Variants in TFDP2 observed in about 807,000 individuals in gnomAD.
The protein encoded by TFDP2 is transcription factor Dp-2 (E2F dimerization partner 2).
Under a neutral mutation model 59.3 loss-of-function variants are expected in TFDP2, and 17 were observed. The observed-to-expected ratio is 0.29, with a 90% CI of 0.20 to 0.43. The LOEUF is 0.43. TFDP2 is among the 20% of genes least tolerant of loss of function. The pLI, the probability that TFDP2 is intolerant of heterozygous loss-of-function variation, is 1.00. For missense variants in TFDP2, 391 were observed against 528.8 expected (o/e 0.74, Z 2.56); for synonymous variants, 180 against 194.7 (o/e 0.92, Z 0.63).
At chr3:142,003,339 C>T (rs978690308) in intron 4 of TFDP2, among the ~76,000 whole-genome samples, 1 of 151,954 alleles carries the variant, frequency 6.6e-6, no homozygotes, top group African/African-American at 2.4e-5. Flanking sequence ...ACCATGTTGA[C>T]CAGGATGGTC....
At chr3:142,016,376 G>A (rs1423582941) in intron 3 of TFDP2, among the ~76,000 whole-genome samples, 6 of 149,520 alleles carry the variant, frequency 4.0e-5, no homozygotes, top group Non-Finnish European at 7.4e-5. Flanking sequence ...TCAGCTCACT[G>A]CAACCTCCAC....
chr3:141,969,575 G>A (rs1450770265), intron 9 of TFDP2, among the ~76,000 whole-genome samples: 1 of 151,950 alleles, frequency 6.6e-6, no homozygotes, highest in Non-Finnish European at 1.5e-5. Context: ...TCGCACCACT[G>A]CACTCCAGCC....
At chr3:142,058,109 A>G (rs2059800041) in intron 3 of TFDP2, among the ~76,000 whole-genome samples, 1 of 152,168 alleles carries the variant, frequency 6.6e-6, no homozygotes, top group Admixed American at 6.5e-5. Context: ...TGATTTATAC[A>G]GCCTGATTTA....
At chr3:141,974,421 A>T (rs1385459080) in intron 7 of TFDP2, among the ~76,000 whole-genome samples, 1 of 124,604 alleles carries the variant, frequency 8.0e-6, no homozygotes, top group Non-Finnish European at 1.8e-5. Context: ...AAATAATCTT[A>T]AAAATAAAGA....
At chr3:141,997,487 T>A (rs932258244) in intron 4 of TFDP2, among the ~76,000 whole-genome samples, 4 of 152,118 alleles carry the variant, frequency 2.6e-5, no homozygotes, top group Non-Finnish European at 4.4e-5. Flanking sequence ...ATTGTATTAC[T>A]ACTGCAGTAT....
At chr3:142,094,616 C>T (rs2061105091) in intron 2 of TFDP2, among the ~76,000 whole-genome samples, 1 of 151,892 alleles carries the variant, frequency 6.6e-6, no homozygotes, top group African/African-American at 2.4e-5. Context: ...TCAAACTATA[C>T]TTTCAAGACA....
intron 3 of TFDP2, among the ~76,000 whole-genome samples, chr3:142,091,221 AT>A (rs756843270): frequency 5.3e-5 from 8 of 152,144 alleles, no homozygotes; most frequent in Admixed American, 2.6e-4. Context: ...TTTTCTATGA[AT>A]GTTGTCATGT....
At chr3:142,103,790 T>C (rs1343159702) in intron 1 of TFDP2, among the ~76,000 whole-genome samples, 1 of 152,156 alleles carries the variant, frequency 6.6e-6, no homozygotes, top group Admixed American at 6.6e-5. Flanking sequence ...GCAAAGATCA[T>C]AAATAATGGG....
intron 9 of TFDP2, among the ~76,000 whole-genome samples, chr3:141,967,529 G>A (rs1298529620): frequency 6.6e-6 from 1 of 151,852 alleles, no homozygotes; most frequent in Non-Finnish European, 1.5e-5. Context: ...CCTGAACTCA[G>A]GTGATCTGCC....
intron 3 of TFDP2, among the ~76,000 whole-genome samples, chr3:142,079,360 A>T (rs1382291188): frequency 1.3e-5 from 2 of 152,160 alleles, no homozygotes; most frequent in African/African-American, 4.8e-5. Flanking sequence ...AGAATAAAAA[A>T]GAATGAAGCA....
chr3:141,964,562 G>C (rs1475834473), intron 9 of TFDP2, among the ~76,000 whole-genome samples: 1 of 152,170 alleles, frequency 6.6e-6, no homozygotes, highest in Non-Finnish European at 1.5e-5. Flanking sequence ...TGAGGTGGGA[G>C]GATTGTTTGA....
rs1476332242 is a variant in TFDP2, at chr3:141,944,876, TATATC to T, written c.*7632_*7636del. 1.3e-5 allele frequency: 2 copies of T among 152,214 alleles called. No individual in the cohort carries two copies. Among genetic ancestry groups the T allele is most frequent in the Non-Finnish European group, 2.9e-5 (2 of 68,042 alleles). The allele number at this position is 152,214 out of a possible 1,614,324, so 9.4% of individuals were successfully genotyped here. A position where few individuals can be genotyped will look rare whatever the true frequency, so the allele number is the denominator to read the frequency against. On this transcript the variant is annotated 3_prime_UTR_variant, in exon 13 of 13. Transcript: ENST00000489671. ...CAAAGTCTGAGATACTACAAAATAA[TATATC>T]ATATTAGGTTGTGTACTTCAATCTA... is the stretch of plus-strand genomic sequence containing the variant.
intron 6 of TFDP2, among the ~76,000 whole-genome samples, chr3:141,982,053 CAT>C (rs1230284065): frequency 1.3e-5 from 2 of 152,244 alleles, no homozygotes; most frequent in Non-Finnish European, 2.9e-5. Flanking sequence ...GCATAACTCA[CAT>C]GTGGCTATTG....
At chr3:141,953,213 GA>G (rs140575104) in intron 11 of TFDP2, among the ~76,000 whole-genome samples, 197 bp from the exon 12 acceptor site, 18 of 148,156 alleles carry the variant, frequency 1.2e-4, no homozygotes, top group East Asian at 3.9e-4. Flanking sequence ...ATAAGAGCAG[GA>G]AAAAAAAAAT....
In TFDP2 at chr3:142,006,862, C is replaced by T. The variant is rs147287788; in HGVS notation, c.83-1318G>A. Among the ~76,000 whole-genome samples, 1,063 of 152,190 alleles carry T rather than the reference C, an allele frequency of 7.0e-3. 12 individuals carry two copies. Among genetic ancestry groups the T allele is most frequent in the African/African-American group, 0.024 (977 of 41,526 alleles). ...CACAATCTTGGCTCACTGCAACCTC[C>T]GCTTCCCAGGTTCAAGTGGTTCTCT... On this transcript the variant is annotated intron_variant, in intron 3 of 12. Coordinates refer to ENST00000489671, the MANE Select transcript of TFDP2 (RefSeq NM_001178139.2).
intron 1 of TFDP2, among the ~76,000 whole-genome samples, chr3:142,134,012 C>T (rs113600629): frequency 0.084 from 12,474 of 148,580 alleles, 677 homozygotes; most frequent in Middle Eastern, 0.13. Flanking sequence ...CCAGCCTGGG[C>T]GACAGAGCAA....
intron 11 of TFDP2, among the ~76,000 whole-genome samples, chr3:141,956,817 C>A (rs1936727337): frequency 6.6e-6 from 1 of 150,766 alleles, no homozygotes; most frequent in South Asian, 2.1e-4. Context: ...CCCAGCTACT[C>A]AGGAGGCTGA....
chr3:142,096,807 G>C (rs1053929705), intron 2 of TFDP2, among the ~76,000 whole-genome samples: 1 of 152,124 alleles, frequency 6.6e-6, no homozygotes, highest in Non-Finnish European at 1.5e-5. Context: ...CCTTTCACAG[G>C]CAAGGTGATC....
chr3:142,137,869 C>T (rs1577067650), intron 1 of TFDP2, among the ~76,000 whole-genome samples: 1 of 152,252 alleles, frequency 6.6e-6, no homozygotes. Flanking sequence ...GCTTTGGTAT[C>T]AGGATGATGC....
Sources: gnomAD v4.1 joint callset for allele counts (sites outside exome capture counted in the v4.1 genomes callset) on GRCh38, gnomAD v4.1.1 for gene constraint, MANE v1.5 for transcripts, NCBI Gene and HGNC (gene_info 2026-07-23, HGNC 2026-07-21) for gene names.